MACF1: variants seen among roughly 807,000 people sequenced by gnomAD.
The protein encoded by MACF1 is microtubule-actin cross-linking factor 1.
MACF1 carries 193 observed loss-of-function variants against 854.8 expected under a neutral mutation model. That is an observed-to-expected ratio of 0.23 (90% CI 0.20 to 0.25). The LOEUF (loss-of-function observed/expected upper bound fraction) is 0.25. MACF1 is among the 10% of genes least tolerant of loss of function. The pLI is 1.00. For missense variants in MACF1, 7,722 were observed against 8,929.1 expected, an observed-to-expected ratio of 0.86 and a Z score of 5.45; for synonymous variants, 3,185 against 3,226.7, an observed-to-expected ratio of 0.99 and a Z score of 0.44.
At chr1:39,372,433 G>C in intron 51 of MACF1, 46 bp from the exon 52 acceptor site, 1 of 1,125,216 alleles carries the variant, frequency 8.9e-7, no homozygotes, top group South Asian at 1.3e-5. Flanking sequence ...TACTTATGAG[G>C]AAAAAGCCCC....
At chr1:39,278,526 A>C (rs1424443528) in intron 6 of MACF1, among the ~76,000 whole-genome samples, 1 of 152,242 alleles carries the variant, frequency 6.6e-6, no homozygotes, top group Non-Finnish European at 1.5e-5. Flanking sequence ...TACAATATCA[A>C]TTAACTAACT....
At chr1:39,310,547 T>C (rs920260898) in intron 25 of MACF1, 119 bp downstream of exon 25, 22 of 1,105,224 alleles carry the variant, frequency 2.0e-5, no homozygotes, top group Non-Finnish European at 2.8e-5. Flanking sequence ...TTTGAGTAGC[T>C]ACGAACTTGA....
chr1:39,302,843 G>A (rs1010367966), intron 22 of MACF1, 81 bp from the exon 23 acceptor site: 7 of 1,345,018 alleles, frequency 5.2e-6, no homozygotes, highest in East Asian at 2.4e-5. Flanking sequence ...TTAAGGATTT[G>A]ATAGCTTTGG....
In MACF1 at chr1:39,336,517, G is replaced by A. The variant is rs747556154; in HGVS notation, c.9929G>A (p.Cys3310Tyr). ...SEEKTVSLTV[C>Y]SAVKTEKTPQ... ...GAAAAGACAGTGTCCCTAACAGTAT[G>A]CTCTGCAGTGAAGACAGAGAAGACA... The change falls in exon 37 of 101, where the codon TGC becomes TAC. Residue 3310 changes from cysteine to tyrosine, a missense_variant. Physicochemically the swap from Cys to Tyr is radical, Grantham distance 194. Around this residue, in one of 15 missense-constraint regions of MACF1, gnomAD observed 854 missense variants for 852.6 expected, o/e 1.00. Transcript: ENST00000564288. 3.7e-6 allele frequency: 6 copies of A among 1,614,072 alleles called. No homozygotes were observed. Among genetic ancestry groups the A allele is most frequent in the African/African-American group, 2.7e-5 (2 of 74,920 alleles).
chr1:39,317,532 A>G (rs532736614), intron 29 of MACF1, 125 bp downstream of exon 29: 2 of 1,081,588 alleles, frequency 1.8e-6, no homozygotes, highest in Non-Finnish European at 2.6e-6. Context: ...GGAAATTTAA[A>G]AACCACATAA....
chr1:39,404,522 C>T (rs1642616795), intron 58 of MACF1, among the ~76,000 whole-genome samples: 2 of 151,996 alleles, frequency 1.3e-5, no homozygotes, highest in African/African-American at 4.8e-5. Context: ...GACAGGATCT[C>T]ACTCTGTCGC....
intron 23 of MACF1, among the ~76,000 whole-genome samples, chr1:39,306,045 T>C (rs1231894312): frequency 6.6e-6 from 1 of 152,236 alleles, no homozygotes; most frequent in African/African-American, 2.4e-5. Flanking sequence ...CTTTAGCACT[T>C]AGAACCATTC....
chr1:39,288,756 C>A (rs141252148), intron 15 of MACF1, among the ~76,000 whole-genome samples: 4 of 152,106 alleles, frequency 2.6e-5, no homozygotes, highest in Non-Finnish European at 5.9e-5. Flanking sequence ...CGCACCACTG[C>A]GCTCCAGCCT....
intron 6 of MACF1, among the ~76,000 whole-genome samples, chr1:39,277,525 C>T (rs1645461027): frequency 6.6e-6 from 1 of 152,212 alleles, no homozygotes; most frequent in Non-Finnish European, 1.5e-5. Flanking sequence ...GTTTTACCTT[C>T]ATACATCTGT....
At chr1:39,360,009 AAAAATATATATAT>A (rs1375471717) in intron 47 of MACF1, among the ~76,000 whole-genome samples, 8 of 53,022 alleles carry the variant, frequency 1.5e-4, no homozygotes, top group African/African-American at 6.8e-4. Context: ...AAAAAAAAAA[AAAAATATATATAT>A]ATATATATAT....
At chr1:39,275,722 T>A (rs961234500) in intron 6 of MACF1, among the ~76,000 whole-genome samples, 3 of 152,184 alleles carry the variant, frequency 2.0e-5, no homozygotes, top group Non-Finnish European at 4.4e-5. Flanking sequence ...TACCTAGGGT[T>A]TCCATTCTAA....
At chr1:39,135,464 A>T (rs1287654471) in intron 2 of MACF1, among the ~76,000 whole-genome samples, 1 of 151,994 alleles carries the variant, frequency 6.6e-6, no homozygotes, top group Non-Finnish European at 1.5e-5. Flanking sequence ...GGCCAGGCTG[A>T]TCTCGAACTC....
At chr1:39,412,375 G>A (rs1453619018) in intron 58 of MACF1, 1 of 1,614,028 alleles carries the variant, frequency 6.2e-7, no homozygotes, top group South Asian at 1.1e-5. Context: ...AATGGGAAAT[G>A]TGGTCACTTG....
intron 90 of MACF1, 103 bp downstream of exon 90, chr1:39,458,593 C>T (rs1027631873): frequency 7.7e-6 from 11 of 1,432,158 alleles, no homozygotes; most frequent in African/African-American, 1.4e-5. Context: ...TTTTCAAAAA[C>T]CGTGTTGGTT....
intron 20 of MACF1, among the ~76,000 whole-genome samples, chr1:39,296,720 T>G: frequency 7.9e-6 from 1 of 127,128 alleles, no homozygotes; most frequent in Admixed American, 8.8e-5. Context: ...ACAGAGCAAG[T>G]GTCTAAATAA....
intron 6 of MACF1, among the ~76,000 whole-genome samples, chr1:39,268,241 C>T (rs1299339149): frequency 6.6e-6 from 1 of 152,098 alleles, no homozygotes; most frequent in Non-Finnish European, 1.5e-5. Flanking sequence ...CCTTCTGCCA[C>T]GGCCTCTCTT....
In MACF1 at chr1:39,353,257, A is replaced by G. The variant is rs796846496; in HGVS notation, c.11424+26A>G. ...GTAAGGGTGTTAGCTTATCCTCACTATGCTAGAGAAATCTCTCCTGCCCTG... is the reference window on the plus strand; with the variant it reads ...GTAAGGGTGTTAGCTTATCCTCACTGTGCTAGAGAAATCTCTCCTGCCCTG... On this transcript the variant is annotated intron_variant, in intron 44 of 100. Transcript: ENST00000564288. 2.6e-6 allele frequency: 4 copies of G among 1,547,730 alleles called. No homozygotes were observed. The South Asian group carries it at 4.7e-5, about 18-fold the overall frequency.
chr1:39,360,044 T>C (rs1329699008), intron 47 of MACF1, among the ~76,000 whole-genome samples: 993 of 59,844 alleles, frequency 0.017, 70 homozygotes, highest in African/African-American at 0.065. Flanking sequence ...TATATATATA[T>C]ATATATATAC....
Position 39,408,377 on chromosome 1 carries a change from A to ATT in MACF1, c.15817-13997_15817-13996insTT, listed in dbSNP as rs1183472321. Among the ~76,000 whole-genome samples, 36 of 152,338 alleles carry ATT rather than the reference A, an allele frequency of 2.4e-4. 1 individual carries two copies. The highest frequency in any genetic ancestry group is 8.7e-4 in the African/African-American group (36 of 41,580). On this transcript the variant is annotated intron_variant, in intron 58 of 100. Coordinates refer to ENST00000564288, the MANE Select transcript of MACF1 (RefSeq NM_001394062.1). ...CCGAATTCCTTTGGGACACCGGGAA[A>ATT]GTGCCGGGTTTAAGGCTGGAGTGTT... is the stretch of plus-strand genomic sequence containing the variant.
Sources: allele counts gnomAD v4.1 joint callset (sites outside exome capture counted in the v4.1 genomes callset), GRCh38; gene constraint gnomAD v4.1.1; regional missense constraint gnomAD v4.1.1; transcripts MANE v1.5; gene names NCBI Gene and HGNC (gene_info 2026-07-23, HGNC 2026-07-21).